MYO9A: variants seen among roughly 807,000 people sequenced by gnomAD.
The protein encoded by MYO9A is myosin IXA.
In MYO9A, 103 loss-of-function variants were observed where a neutral mutation model predicts 293.3. That is an observed-to-expected ratio of 0.35 (90% confidence interval 0.30 to 0.41). The LOEUF is 0.41. Among genes scored for constraint, MYO9A ranks in the 10% least tolerant of loss-of-function variants. The pLI, the probability that MYO9A is intolerant of heterozygous loss-of-function variation, is 1.00. For missense variants in MYO9A, 2,685 were observed against 3,033.0 expected, an observed-to-expected ratio of 0.89 and a Z score of 2.69; for synonymous variants, 1,001 against 1,035.7, an observed-to-expected ratio of 0.97 and a Z score of 0.64.
At chr15:72,019,745 A>G (rs372750997) in intron 5 of MYO9A, among the ~76,000 whole-genome samples, 222 of 152,240 alleles carry the variant, frequency 1.5e-3, no homozygotes, top group African/African-American at 4.7e-3. Flanking sequence ...CCAAAGGTAT[A>G]ACTTTCTTTT....
intron 9 of MYO9A, among the ~76,000 whole-genome samples, chr15:71,998,202 T>C (rs1240671029): frequency 6.6e-6 from 1 of 152,144 alleles, no homozygotes; most frequent in African/African-American, 2.4e-5. Flanking sequence ...CATTATCCAT[T>C]GCAAACTAAC....
chr15:72,050,682 T>C (rs975612649), intron 1 of MYO9A, among the ~76,000 whole-genome samples: 14 of 152,066 alleles, frequency 9.2e-5, no homozygotes, highest in African/African-American at 1.4e-4. Context: ...GGCTCAACAA[T>C]AGTTATGAGT....
At chr15:72,063,826 C>G (rs2078943570) in intron 1 of MYO9A, among the ~76,000 whole-genome samples, 1 of 152,146 alleles carries the variant, frequency 6.6e-6, no homozygotes, top group African/African-American at 2.4e-5. Context: ...GAACGGAAAT[C>G]AGTATATCAA....
At chr15:72,008,672 T>G (rs1193030223) in intron 7 of MYO9A, among the ~76,000 whole-genome samples, 1 of 152,126 alleles carries the variant, frequency 6.6e-6, no homozygotes, top group East Asian at 1.9e-4. Context: ...CAACTCCTGT[T>G]AATTCAGGAA....
chr15:71,963,095 GTTTT>G (rs925214377), intron 13 of MYO9A, among the ~76,000 whole-genome samples: 1 of 151,986 alleles, frequency 6.6e-6, no homozygotes, highest in African/African-American at 2.4e-5. Context: ...TGGTTTGTTT[GTTTT>G]TTGAGACAGG....
In MYO9A at chr15:71,925,357, GTATA is replaced by G. The variant is rs1306200014; in HGVS notation, c.2562+8309_2562+8312del. 7.4e-5 allele frequency among the ~76,000 whole-genome samples: 11 copies of G among 148,080 alleles called. No homozygotes were observed. In the South Asian group the frequency reaches 2.3e-3, roughly 31 times the overall value. On this transcript the variant is annotated intron_variant, in intron 18 of 41. Transcript: ENST00000356056. ...CGTATATGTACATATATACTTACATGTATATATACATATATACGTATATACGTGT... is the reference window on the plus strand; with the variant it reads ...CGTATATGTACATATATACTTACATGTATACATATATACGTATATACGTGT...
intron 2 of MYO9A, among the ~76,000 whole-genome samples, chr15:72,042,782 G>A (rs2078264985): frequency 6.6e-6 from 1 of 151,934 alleles, no homozygotes; most frequent in African/African-American, 2.4e-5. Flanking sequence ...GCAGGGGTGG[G>A]CAGGTGTGGT....
At chr15:71,999,758 TCA>T in intron 9 of MYO9A, 91 bp downstream of exon 9, 1 of 904,574 alleles carries the variant, frequency 1.1e-6, no homozygotes, top group Admixed American at 2.7e-5. Flanking sequence ...TTTGCCATTG[TCA>T]TTTTCATGCT....
intron 1 of MYO9A, 129 bp downstream of exon 1, chr15:72,117,551 C>A: frequency 2.8e-6 from 1 of 362,882 alleles, no homozygotes; most frequent in East Asian, 4.0e-5. Flanking sequence ...TTGGGAGGCT[C>A]GGCGCAGACC....
intron 14 of MYO9A, 196 bp downstream of exon 14, chr15:71,959,705 A>G: frequency 6.9e-6 from 4 of 579,592 alleles, no homozygotes; most frequent in Non-Finnish European, 1.2e-5. Flanking sequence ...TAAAGGCAGT[A>G]TAACTCTTTT....
chr15:71,983,470 C>CTTTTTTTTTTTTTTTTTTTTTTT (rs1170508506), intron 11 of MYO9A, among the ~76,000 whole-genome samples: 2 of 72,898 alleles, frequency 2.7e-5, no homozygotes, highest in Non-Finnish European at 4.9e-5. Flanking sequence ...TTTTTTATTT[C>CTTTTTTTTTTTTTTTTTTTTTTT]TTTTTTTTTT....
chr15:71,886,127 C>A (rs909086848), intron 27 of MYO9A, among the ~76,000 whole-genome samples: 5 of 142,316 alleles, frequency 3.5e-5, no homozygotes, highest in Non-Finnish European at 6.0e-5. Flanking sequence ...ATTTTGGTTT[C>A]TTCAATATAA....
intron 27 of MYO9A, among the ~76,000 whole-genome samples, chr15:71,886,073 T>C (rs1234417892): frequency 6.6e-6 from 1 of 152,050 alleles, no homozygotes; most frequent in Non-Finnish European, 1.5e-5. Context: ...AAGTGTTCTA[T>C]TCCCTGTATA....
intron 27 of MYO9A, among the ~76,000 whole-genome samples, chr15:71,885,493 T>C (rs1166455284): frequency 1.3e-5 from 2 of 152,110 alleles, no homozygotes; most frequent in Non-Finnish European, 2.9e-5. Flanking sequence ...TTAGGTACTT[T>C]ATCAGTTTCA....
At chr15:72,030,346 T>G (rs1226687923) in intron 3 of MYO9A, among the ~76,000 whole-genome samples, 3 of 152,122 alleles carry the variant, frequency 2.0e-5, no homozygotes, top group Non-Finnish European at 4.4e-5. Flanking sequence ...AAGCATAACT[T>G]TTAACTCAGG....
At chr15:72,102,592 CAGAA>C (rs2080396393) in intron 1 of MYO9A, among the ~76,000 whole-genome samples, 1 of 150,968 alleles carries the variant, frequency 6.6e-6, no homozygotes, top group African/African-American at 2.4e-5. Context: ...ACAGATATAT[CAGAA>C]AGCCAATCAA....
At chr15:71,987,714 T>C (rs926770294) in intron 11 of MYO9A, among the ~76,000 whole-genome samples, 20 of 152,250 alleles carry the variant, frequency 1.3e-4, no homozygotes, top group Admixed American at 2.6e-4. Flanking sequence ...AGTCATCATA[T>C]TGAAGATTTT....
In MYO9A at chr15:71,826,458, G is replaced by A. The variant is rs55764190; in HGVS notation, c.*122C>T. Reference sequence around the variant, plus strand: ...TCAGCACATACAGTCTTAGCCATATGCTTAGAAAAGAGGCAGGACCACAAT... The same window carrying A: ...TCAGCACATACAGTCTTAGCCATATACTTAGAAAAGAGGCAGGACCACAAT... On this transcript the variant is annotated 3_prime_UTR_variant, in exon 42 of 42. Transcript: ENST00000356056. 8,315 of 978,578 alleles carry A rather than the reference G, an allele frequency of 8.5e-3. 68 individuals carry two copies. Among genetic ancestry groups the A allele is most frequent in the African/African-American group, 0.021 (1,272 of 61,450 alleles). 60.6% of individuals were successfully genotyped at this position (978,578 alleles called of 1,614,324 possible).
At chr15:71,988,343 G>A (rs1225525101) in intron 11 of MYO9A, among the ~76,000 whole-genome samples, 3 of 152,180 alleles carry the variant, frequency 2.0e-5, no homozygotes, top group Non-Finnish European at 2.9e-5. Context: ...TATAGAGCCA[G>A]AGTGTTAAGG....
Sources: gnomAD v4.1 joint callset for allele counts (sites outside exome capture counted in the v4.1 genomes callset) on GRCh38, gnomAD v4.1.1 for gene constraint, MANE v1.5 for transcripts, NCBI Gene and HGNC (gene_info 2026-07-23, HGNC 2026-07-21) for gene names.